The following ACVR1C variants were observed in gnomAD, a reference collection of about 807,000 sequenced individuals.
ACVR1C encodes the protein activin A receptor type 1C.
A neutral mutation model predicts 57.9 loss-of-function variants in ACVR1C; 23 were observed. That is an observed-to-expected ratio of 0.40 (90% CI 0.29 to 0.56). The LOEUF (loss-of-function observed/expected upper bound fraction) is 0.56. ACVR1C is among the 20% of genes least tolerant of loss of function. The pLI is 0.50. For synonymous variants in ACVR1C, 214 were observed against 215.3 expected, an observed-to-expected ratio of 0.99 and a Z score of 0.05; for missense variants, 480 against 607.9, an observed-to-expected ratio of 0.79 and a Z score of 2.21.
intron 4 of ACVR1C, among the ~76,000 whole-genome samples, chr2:157,549,077 CAGGCGGGG>C (rs1037361804): frequency 2.0e-5 from 3 of 152,142 alleles, no homozygotes; most frequent in Non-Finnish European, 4.4e-5. Flanking sequence ...ACTCCTGGGC[CAGGCGGGG>C]TGGCTCAAGC....
chr2:157,623,379 A>G (rs1050601412), intron 1 of ACVR1C, among the ~76,000 whole-genome samples: 1 of 152,228 alleles, frequency 6.6e-6, no homozygotes, highest in African/African-American at 2.4e-5. Context: ...AGACGAATGG[A>G]TAACAAAAAT....
intron 3 of ACVR1C, among the ~76,000 whole-genome samples, chr2:157,552,592 C>G (rs12328809): frequency 3.3e-5 from 5 of 152,164 alleles, no homozygotes; most frequent in African/African-American, 1.2e-4. Context: ...AGAAACATCA[C>G]TACCAACAAC....
intron 7 of ACVR1C, among the ~76,000 whole-genome samples, chr2:157,539,007 T>C (rs1687557175): frequency 6.7e-6 from 1 of 149,062 alleles, no homozygotes; most frequent in Non-Finnish European, 1.5e-5. Flanking sequence ...AACATTTCTA[T>C]AATTGTATAA....
chr2:157,585,653 T>C (rs1688902780), intron 2 of ACVR1C, among the ~76,000 whole-genome samples: 1 of 152,154 alleles, frequency 6.6e-6, no homozygotes, highest in African/African-American at 2.4e-5. Flanking sequence ...AAATCCTTTG[T>C]ATTTGGCTAT....
At chr2:157,583,986 T>C (rs1020718856) in intron 2 of ACVR1C, among the ~76,000 whole-genome samples, 2 of 152,102 alleles carry the variant, frequency 1.3e-5, no homozygotes, top group Non-Finnish European at 2.9e-5. Context: ...TAGTAAACTA[T>C]CATAATTTTT....
intron 1 of ACVR1C, among the ~76,000 whole-genome samples, chr2:157,617,565 T>A (rs1324586075): frequency 6.6e-6 from 1 of 152,026 alleles, no homozygotes; most frequent in African/African-American, 2.4e-5. Flanking sequence ...TGAAAAAGAT[T>A]AGGTGAATGT....
At chr2:157,554,908 GAT>G (rs368757396) in intron 3 of ACVR1C, among the ~76,000 whole-genome samples, 9 of 149,990 alleles carry the variant, frequency 6.0e-5, no homozygotes, top group Admixed American at 6.6e-5. Flanking sequence ...AGGATTTCTG[GAT>G]ATATATATAT....
Position 157,550,237 on chromosome 2 carries a change from G to A in ACVR1C, c.700C>T (p.Arg234Cys), listed in dbSNP as rs1267033436. Residue 234 changes from arginine (R) to cysteine (C), a missense_variant, in exon 4 of 9, where the codon CGT (arginine) becomes TGT (cysteine). Transcript: ENST00000243349. ...ACCGTCTGGTAAATTTCTGCCTCAC[G>A]AAACCAAGATCTTTCATCTCTGGAG... ...FSSRDERSWF[R>C]EAEIYQTVML... 3 of 1,613,968 alleles carry A rather than the reference G, an allele frequency of 1.9e-6. No individual in the cohort carries two copies. Among genetic ancestry groups the A allele is most frequent in the African/African-American group, 1.3e-5 (1 of 74,964 alleles).
In ACVR1C at chr2:157,531,837, CACT is replaced by C. The variant is rs1687356099; in HGVS notation, c.*2078_*2080del. 6.6e-6 allele frequency: 1 copy of C among 152,050 alleles called. No homozygotes were observed. Among genetic ancestry groups the C allele is most frequent in the African/African-American group, 2.4e-5 (1 of 41,414 alleles). The allele number at this position is 152,050 out of a possible 1,614,324, so 9.4% of individuals were successfully genotyped here. On this transcript the variant is annotated 3_prime_UTR_variant, in exon 9 of 9. Coordinates refer to ENST00000243349, the MANE Select transcript of ACVR1C (RefSeq NM_145259.3). ...AATTTTCAGACCTATCCTAGAAACC[CACT>C]GTCATGCAGAACTCAAGACATCCCA...
intron 1 of ACVR1C, among the ~76,000 whole-genome samples, chr2:157,620,525 G>C (rs1012931792): frequency 6.6e-6 from 1 of 151,920 alleles, no homozygotes; most frequent in African/African-American, 2.4e-5. Flanking sequence ...GTTTTTTTAA[G>C]CTGTAGTAAT....
intron 2 of ACVR1C, among the ~76,000 whole-genome samples, chr2:157,565,006 A>T (rs1431670481): frequency 6.6e-6 from 1 of 152,116 alleles, no homozygotes; most frequent in Non-Finnish European, 1.5e-5. Flanking sequence ...TAGCCAATGC[A>T]TGCGGGGCTT....
In ACVR1C at chr2:157,539,102, C is replaced by T. The variant is rs555926637; in HGVS notation, c.1226-399G>A. Among the ~76,000 whole-genome samples the T allele has an allele frequency of 7.2e-5, 11 of 151,852 alleles. No individual in the cohort carries two copies. The South Asian group carries it at 2.3e-3, about 31-fold the overall frequency. ...TTATACAATTTAAAAGTGATGCCTA[C>T]TTTCTTCTGATTATGAAATTTGTAG... On this transcript the variant is annotated intron_variant, in intron 7 of 8. Coordinates refer to ENST00000243349, the MANE Select transcript of ACVR1C (RefSeq NM_145259.3).
intron 1 of ACVR1C, among the ~76,000 whole-genome samples, chr2:157,601,339 A>T (rs1277459906): frequency 2.0e-5 from 3 of 152,058 alleles, no homozygotes; most frequent in African/African-American, 4.8e-5. Context: ...AAAATAAAAA[A>T]AATAAAAAAG....
intron 3 of ACVR1C, among the ~76,000 whole-genome samples, chr2:157,554,272 G>GGAAGAAAGA (rs1688021235): frequency 2.1e-5 from 1 of 47,586 alleles, no homozygotes; most frequent in East Asian, 8.8e-4. Flanking sequence ...AGAAAGAAAG[G>GGAAGAAAGA]AAGGAAGGAA....
At chr2:157,570,592 C>T (rs1191670616) in intron 2 of ACVR1C, among the ~76,000 whole-genome samples, 4 of 53,092 alleles carry the variant, frequency 7.5e-5, no homozygotes, top group Non-Finnish European at 1.5e-4. Flanking sequence ...AGAGCCAAAT[C>T]ATGAGTAAAC....
chr2:157,542,971 T>C (rs539442825), intron 5 of ACVR1C, 109 bp from the exon 6 acceptor site: 7 of 1,108,038 alleles, frequency 6.3e-6, no homozygotes, highest in African/African-American at 4.7e-5. Flanking sequence ...AGAGTTTTCT[T>C]CAAAGCTCTT....
chr2:157,587,160 C>A, intron 2 of ACVR1C, 27 bp downstream of exon 2: 2 of 1,550,048 alleles, frequency 1.3e-6, no homozygotes, highest in Non-Finnish European at 1.8e-6. Flanking sequence ...AAATTAAATT[C>A]GGAATGAACA....
intron 1 of ACVR1C, among the ~76,000 whole-genome samples, chr2:157,599,072 G>A (rs1490897384): frequency 2.0e-5 from 3 of 151,714 alleles, no homozygotes; most frequent in African/African-American, 7.3e-5. Flanking sequence ...CGGTGGCTCA[G>A]GCCTGTAATA....
Position 157,580,338 on chromosome 2 carries a change from A to G in ACVR1C, c.304+6849T>C, listed in dbSNP as rs970287582. On this transcript the variant is annotated intron_variant, in intron 2 of 8. Coordinates refer to ENST00000243349, the MANE Select transcript of ACVR1C (RefSeq NM_145259.3). ...AACAGTTCCATACTATAAAGTCATA[A>G]AAAATCTTTTTTTCTAAATTTTTCT... is the stretch of plus-strand genomic sequence containing the variant. Among the ~76,000 whole-genome samples the G allele has an allele frequency of 4.6e-5, 7 of 152,160 alleles. No homozygotes were observed. In the South Asian group the frequency reaches 8.3e-4, roughly 18 times the overall value.
Sources: gnomAD v4.1 joint callset for allele counts (sites outside exome capture counted in the v4.1 genomes callset) on GRCh38, gnomAD v4.1.1 for gene constraint, MANE v1.5 for transcripts, NCBI Gene and HGNC (gene_info 2026-07-23, HGNC 2026-07-21) for gene names.